TBL1XR1: variants seen among roughly 807,000 people sequenced by gnomAD.
TBL1XR1 encodes the protein TBL1X/Y related 1.
TBL1XR1 carries 5 observed loss-of-function variants against 66.9 expected under a neutral mutation model. The ratio of observed to expected loss-of-function variants is 0.07; its 90% confidence interval spans 0.04 to 0.16. The LOEUF is 0.16. Ranked by LOEUF, TBL1XR1 falls within the 10% of genes least tolerant of loss-of-function variation. The pLI is 1.00. For missense variants in TBL1XR1, 238 were observed against 623.2 expected (o/e 0.38, Z 6.58); for synonymous variants, 210 against 206.0 (o/e 1.02, Z -0.17).
In TBL1XR1 at chr3:177,057,268, G is replaced by A. The variant is rs572419378; in HGVS notation, c.59-3350C>T. On this transcript the variant is annotated intron_variant, in intron 3 of 15. Coordinates refer to ENST00000457928, the MANE Select transcript of TBL1XR1 (RefSeq NM_024665.7). ...GTGAAATCCTCTTTCACTACACCAG[G>A]GCTAACCAGTCTCTCCTACGCTGAT... Among the ~76,000 whole-genome samples, 7 of 152,182 alleles carry A rather than the reference G, an allele frequency of 4.6e-5. No individual in the cohort carries two copies. The South Asian group carries it at 1.5e-3, about 32-fold the overall frequency.
At chr3:177,077,866 T>C (rs980784848) in intron 2 of TBL1XR1, among the ~76,000 whole-genome samples, 5 of 152,368 alleles carry the variant, frequency 3.3e-5, no homozygotes, top group Admixed American at 6.5e-5. Context: ...TGGACAACAG[T>C]AAAAAGATTA....
At chr3:177,166,021 C>T (rs536820477) in intron 1 of TBL1XR1, among the ~76,000 whole-genome samples, 2 of 151,958 alleles carry the variant, frequency 1.3e-5, no homozygotes, top group Non-Finnish European at 2.9e-5. Flanking sequence ...GCCTGGGAGG[C>T]GGAGGTTGCA....
chr3:177,160,063 G>A (rs1177732549), intron 1 of TBL1XR1, among the ~76,000 whole-genome samples: 1 of 152,136 alleles, frequency 6.6e-6, no homozygotes. Context: ...CCAATAAAGA[G>A]TGGGGAAAAT....
chr3:177,148,224 T>TTAAG (rs1730478756), intron 1 of TBL1XR1, among the ~76,000 whole-genome samples: 1 of 152,226 alleles, frequency 6.6e-6, no homozygotes, highest in Non-Finnish European at 1.5e-5. Context: ...TGTTGAAAGT[T>TTAAG]TAAGTACAAA....
intron 1 of TBL1XR1, among the ~76,000 whole-genome samples, chr3:177,145,337 G>GT (rs1730121664): frequency 6.6e-6 from 1 of 152,010 alleles, no homozygotes; most frequent in African/African-American, 2.4e-5. Context: ...GCACTGCATT[G>GT]TTTTTTTCAG....
At chr3:177,053,279 G>T (rs551821976) in intron 4 of TBL1XR1, among the ~76,000 whole-genome samples, 1 of 152,246 alleles carries the variant, frequency 6.6e-6, no homozygotes, top group East Asian at 1.9e-4. Context: ...AAATGCATGT[G>T]GCTATGTTCC....
At chr3:177,040,322 A>C (rs992745391) in intron 10 of TBL1XR1, among the ~76,000 whole-genome samples, 1 of 152,196 alleles carries the variant, frequency 6.6e-6, no homozygotes, top group Non-Finnish European at 1.5e-5. Flanking sequence ...TGTCTCAAAA[A>C]ACAAAAACAA....
chr3:177,189,569 C>G (rs1263323734), intron 1 of TBL1XR1, among the ~76,000 whole-genome samples: 2 of 149,078 alleles, frequency 1.3e-5, no homozygotes, highest in South Asian at 4.2e-4. Context: ...GCAGGAGAAT[C>G]GCTTGAACCC....
chr3:177,025,263 G>T lies in TBL1XR1; in HGVS notation c.*235C>A. ...CAAAACTTCTAAATGCTATTTTAGG[G>T]GCACAGCAGATTAGATTCCAGCACT... On this transcript the variant is annotated 3_prime_UTR_variant, in exon 16 of 16. Coordinates refer to ENST00000457928, the MANE Select transcript of TBL1XR1 (RefSeq NM_024665.7). 1 of 421,938 alleles carries T rather than the reference G, an allele frequency of 2.4e-6. No homozygotes were observed. Among genetic ancestry groups the T allele is most frequent in the Non-Finnish European group, 4.2e-6 (1 of 239,028 alleles). The allele number at this position is 421,938 out of a possible 1,614,324, so 26.1% of individuals were successfully genotyped here.
intron 1 of TBL1XR1, among the ~76,000 whole-genome samples, chr3:177,167,668 T>C (rs1373675995): frequency 6.6e-6 from 1 of 152,194 alleles, no homozygotes. Flanking sequence ...CAGTGGTTCA[T>C]GCCTGTAATC....
intron 2 of TBL1XR1, among the ~76,000 whole-genome samples, chr3:177,066,522 T>C (rs1279064997): frequency 6.6e-6 from 1 of 152,076 alleles, no homozygotes; most frequent in Non-Finnish European, 1.5e-5. Flanking sequence ...AGGCAGAAAC[T>C]ATATTCAGGA....
At chr3:177,151,190 G>A (rs6778192) in intron 1 of TBL1XR1, among the ~76,000 whole-genome samples, 65,644 of 152,148 alleles carry the variant, frequency 0.43, 14,372 homozygotes, top group South Asian at 0.53. Context: ...AGCCAAATCT[G>A]TGACTGAGAG....
At chr3:177,135,333 G>GTGTGTGTGTGTGTGTATATATA (rs1560213907) in intron 1 of TBL1XR1, among the ~76,000 whole-genome samples, 1 of 53,814 alleles carries the variant, frequency 1.9e-5, no homozygotes, top group Admixed American at 2.6e-4. Flanking sequence ...GTGTGTGTGT[G>GTGTGTGTGTGTGTGTATATATA]TATACATATA....
chr3:177,112,097 ATATATATATATTT>A (rs1283099588), intron 1 of TBL1XR1, among the ~76,000 whole-genome samples: 3 of 50,030 alleles, frequency 6.0e-5, no homozygotes, highest in South Asian at 6.6e-4. Flanking sequence ...ATATATATAT[ATATATATATATTT>A]TTTTTTTTTT....
chr3:177,196,792 G>A (rs1736917080), intron 1 of TBL1XR1, among the ~76,000 whole-genome samples: 1 of 151,852 alleles, frequency 6.6e-6, no homozygotes, highest in Non-Finnish European at 1.5e-5. Context: ...GGGAGGAAGA[G>A]GGGGAGAAGG....
At chr3:177,044,774 G>A (rs1716093141) in intron 10 of TBL1XR1, 2 of 152,106 alleles carry the variant, frequency 1.3e-5, no homozygotes, top group African/African-American at 4.8e-5. Flanking sequence ...TACCTCATCA[G>A]GTTGTAGTCA....
chr3:177,119,357 C>T (rs1389723384), intron 1 of TBL1XR1, among the ~76,000 whole-genome samples: 1 of 152,144 alleles, frequency 6.6e-6, no homozygotes, highest in Non-Finnish European at 1.5e-5. Flanking sequence ...ATCCTGGAAC[C>T]TTTTCCACAA....
chr3:177,108,455 G>C (rs1271664544), intron 1 of TBL1XR1, among the ~76,000 whole-genome samples: 1 of 152,140 alleles, frequency 6.6e-6, no homozygotes, highest in Non-Finnish European at 1.5e-5. Context: ...CCATACAACT[G>C]TAAGCAAGCC....
chr3:177,127,682 A>G (rs1458480801), intron 1 of TBL1XR1, among the ~76,000 whole-genome samples: 1 of 152,214 alleles, frequency 6.6e-6, no homozygotes, highest in Non-Finnish European at 1.5e-5. Context: ...CCTGAAAGTT[A>G]GAAGAGACAA....
Sources: allele counts gnomAD v4.1 joint callset (sites outside exome capture counted in the v4.1 genomes callset), GRCh38; gene constraint gnomAD v4.1.1; transcripts MANE v1.5; gene names NCBI Gene and HGNC (gene_info 2026-07-23, HGNC 2026-07-21).